PNPLA7: variants seen among roughly 807,000 people sequenced by gnomAD.
PNPLA7 encodes the protein patatin like domain 7, lysophospholipase.
Under a neutral mutation model 161.7 loss-of-function variants are expected in PNPLA7, and 153 were observed. The observed-to-expected ratio is 0.95, with a 90% CI of 0.83 to 1.08. The LOEUF is 1.08. PNPLA7 is among the 50% of genes least tolerant of loss of function. The pLI, the probability that PNPLA7 is intolerant of heterozygous loss-of-function variation, is 0.00. For synonymous variants in PNPLA7, 809 were observed against 782.1 expected (o/e 1.03, Z -0.57); for missense variants, 1,739 against 1,856.6 (o/e 0.94, Z 1.16).
At chr9:137,479,458 A>G in intron 23 of PNPLA7, 1 of 1,243,480 alleles carries the variant, frequency 8.0e-7, no homozygotes, top group Non-Finnish European at 1.0e-6. Flanking sequence ...TCAGTACGGC[A>G]GGAGGGGGAC....
Position 137,462,187 on chromosome 9 carries a change from C to G in PNPLA7, c.3637G>C (p.Glu1213Gln). The change falls in exon 31 of 35, where the codon GAG becomes CAG. Residue 1213 changes from glutamate (E) to glutamine (Q), a missense_variant. Transcript: ENST00000406427. ...YSTLDFGKFNEICEVGYQHGR... is the reference protein window; with the variant it reads ...YSTLDFGKFNQICEVGYQHGR... Reference sequence around the variant, plus strand: ...GGGTGGCCGGCACTCACGCAGATCTCGTTGAACTTGCCGAAGTCCAGGGTG... The same window carrying G: ...GGGTGGCCGGCACTCACGCAGATCTGGTTGAACTTGCCGAAGTCCAGGGTG... 1 of 1,567,210 alleles carries G rather than the reference C, an allele frequency of 6.4e-7. No homozygotes were observed. Among genetic ancestry groups the G allele is most frequent in the Non-Finnish European group, 8.7e-7 (1 of 1,152,740 alleles).
At chr9:137,478,461 C>T in intron 24 of PNPLA7, 1 of 280,436 alleles carries the variant, frequency 3.6e-6, no homozygotes, top group Non-Finnish European at 6.6e-6. Flanking sequence ...AGAGCTGTTC[C>T]CACTGGGGTC....
intron 21 of PNPLA7, 60 bp from the exon 22 acceptor site, chr9:137,481,083 AGGCACC>A: frequency 6.6e-7 from 1 of 1,519,754 alleles, no homozygotes; most frequent in Non-Finnish European, 8.9e-7. Context: ...AACGCCAACA[AGGCACC>A]GACACCCAGC....
At chr9:137,519,502 C>T (rs1051833644) in intron 11 of PNPLA7, among the ~76,000 whole-genome samples, 4 of 152,174 alleles carry the variant, frequency 2.6e-5, no homozygotes, top group Non-Finnish European at 2.9e-5. Flanking sequence ...GACGGGCACA[C>T]GTAATGAGAC....
chr9:137,465,430 C>A (rs1489491962), intron 26 of PNPLA7, among the ~76,000 whole-genome samples: 1 of 152,202 alleles, frequency 6.6e-6, no homozygotes, highest in Non-Finnish European at 1.5e-5. Context: ...AGCCCCAGAC[C>A]CACAGACGGA....
At chr9:137,503,760 A>AAAAAG (rs1833668363) in intron 14 of PNPLA7, among the ~76,000 whole-genome samples, 1 of 73,588 alleles carries the variant, frequency 1.4e-5, no homozygotes, top group African/African-American at 5.9e-5. Context: ...GAAAGAAAAG[A>AAAAAG]AAGAAAAAGA....
rs748400502 is a variant in PNPLA7 at position 137,461,629 on chromosome 9, G to A, written c.3757-9C>T. Reference sequence around the variant, plus strand: ...TTGGGACAGGTGAGGACCTAGGGGTGGGGTGAGGACAGCACGTTGCCTGTG... The same window carrying A: ...TTGGGACAGGTGAGGACCTAGGGGTAGGGTGAGGACAGCACGTTGCCTGTG... On this transcript the variant is annotated splice_polypyrimidine_tract_variant and intron_variant, in intron 32 of 34. Transcript: ENST00000406427. 6.2e-7 allele frequency: 1 copy of A among 1,607,304 alleles called. No homozygotes were observed. The highest frequency in any genetic ancestry group is 2.2e-5 in the East Asian group (1 of 44,760).
chr9:137,530,760 A>C (rs1564359021), intron 8 of PNPLA7, among the ~76,000 whole-genome samples: 1 of 152,214 alleles, frequency 6.6e-6, no homozygotes, highest in Non-Finnish European at 1.5e-5. Flanking sequence ...AAGATGCCTA[A>C]CACATCACCA....
intron 25 of PNPLA7, among the ~76,000 whole-genome samples, chr9:137,473,040 G>A (rs1004242452): frequency 1.3e-5 from 2 of 152,190 alleles, no homozygotes; most frequent in African/African-American, 2.4e-5. Flanking sequence ...TGAAGGAGGA[G>A]CAGAGGCACA....
intron 18 of PNPLA7, among the ~76,000 whole-genome samples, chr9:137,496,855 G>A (rs1284818958): frequency 2.0e-5 from 3 of 152,196 alleles, no homozygotes; most frequent in Non-Finnish European, 4.4e-5. Context: ...TTGCTCCTGT[G>A]GAACCCCAGA....
chr9:137,521,318 C>G (rs979594181), intron 10 of PNPLA7, among the ~76,000 whole-genome samples: 1 of 152,226 alleles, frequency 6.6e-6, no homozygotes, highest in Non-Finnish European at 1.5e-5. Context: ...TGTTCACAAC[C>G]GTGTGGGCCT....
chr9:137,491,500 C>A, intron 20 of PNPLA7: 1 of 982,476 alleles, frequency 1.0e-6, no homozygotes, highest in Non-Finnish European at 1.2e-6. Context: ...AGCGAAGAGT[C>A]ACATTACGTT....
intron 8 of PNPLA7, among the ~76,000 whole-genome samples, chr9:137,529,886 T>C (rs1486794634): frequency 1.3e-5 from 2 of 152,064 alleles, no homozygotes; most frequent in Non-Finnish European, 2.9e-5. Flanking sequence ...GTGGAACTCC[T>C]GACCTCATGT....
At chr9:137,522,602 C>A in intron 9 of PNPLA7, 127 bp downstream of exon 9, 1 of 1,059,226 alleles carries the variant, frequency 9.4e-7, no homozygotes, top group South Asian at 1.5e-5. Context: ...AAATCACCTT[C>A]ATGGCTGTAA....
chr9:137,525,077 G>A (rs547862740), intron 8 of PNPLA7, among the ~76,000 whole-genome samples: 8 of 152,316 alleles, frequency 5.3e-5, no homozygotes, highest in South Asian at 2.1e-4. Flanking sequence ...GTTTCAGGAG[G>A]GAGCTGGCCA....
rs112185527 is a variant in PNPLA7, at chr9:137,523,629, ATTTT to A, written c.748-776_748-773del. ...TGCCGTCACCTGCCTGCAGAGACAG[ATTTT>A]TTTTTTTTTTTGAGACAGAGTCTCG... On this transcript the variant is annotated intron_variant, in intron 8 of 34. Coordinates refer to ENST00000406427, the MANE Select transcript of PNPLA7 (RefSeq NM_001098537.3). The surrounding 1 kb of genome is among the most constrained non-coding windows in gnomAD (Gnocchi z 4.4). Among the ~76,000 whole-genome samples, 1 of 143,986 alleles carries A rather than the reference ATTTT, an allele frequency of 6.9e-6. No homozygotes were observed. The highest frequency in any genetic ancestry group is 2.5e-5 in the African/African-American group (1 of 39,328). 94.5% of individuals were successfully genotyped at this position (143,986 alleles called of 152,430 possible). A position where few individuals can be genotyped will look rare whatever the true frequency, so the allele number is the denominator to read the frequency against.
intron 23 of PNPLA7, chr9:137,479,900 T>C: frequency 4.1e-6 from 4 of 985,242 alleles, no homozygotes; most frequent in Non-Finnish European, 4.8e-6. Flanking sequence ...GGTAAGGCAT[T>C]CACAAGAGGA....
chr9:137,469,170 A>C (rs1831606491), intron 25 of PNPLA7, among the ~76,000 whole-genome samples: 1 of 152,246 alleles, frequency 6.6e-6, no homozygotes, highest in African/African-American at 2.4e-5. Context: ...AAGCTCAATG[A>C]GTGGGTCTAA....
rs566554461 is a variant in PNPLA7 at position 137,546,241 on chromosome 9, C to T, written c.273+589G>A. On this transcript the variant is annotated intron_variant, in intron 4 of 34. Transcript: ENST00000406427. ...CGGCTGCCAGGCAGGGAAGGGCCTC[C>T]TGTCAAGCAGACACGTGAACCACGG... Among the ~76,000 whole-genome samples the T allele has an allele frequency of 7.9e-5, 12 of 152,244 alleles. No homozygotes were observed. In the East Asian group the frequency reaches 2.1e-3, roughly 27 times the overall value.
Sources: allele counts gnomAD v4.1 joint callset (sites outside exome capture counted in the v4.1 genomes callset), GRCh38; gene constraint gnomAD v4.1.1; non-coding constraint Gnocchi (gnomAD v3.1); transcripts MANE v1.5; gene names NCBI Gene and HGNC (gene_info 2026-07-23, HGNC 2026-07-21).